Variants in TCF4 observed in about 807,000 individuals in gnomAD.
The protein encoded by TCF4 is SL3-3 enhancer factor 2.
In TCF4, 3 loss-of-function variants were observed where a neutral mutation model predicts 82.1. The ratio of observed to expected loss-of-function variants is 0.04; its 90% confidence interval spans 0.02 to 0.09. TCF4 has a LOEUF of 0.09. Ranked by LOEUF, TCF4 falls within the 10% of genes least tolerant of loss-of-function variation. The pLI is 1.00. For synonymous variants in TCF4, 276 were observed against 309.6 expected, an observed-to-expected ratio of 0.89 and a Z score of 1.14; for missense variants, 518 against 852.7, an observed-to-expected ratio of 0.61 and a Z score of 4.89.
chr18:55,554,357 T>C (rs1218904853), intron 3 of TCF4, among the ~76,000 whole-genome samples: 1 of 152,036 alleles, frequency 6.6e-6, no homozygotes, highest in Non-Finnish European at 1.5e-5. Context: ...AACACTAGTT[T>C]ATTATAGTTT....
intron 3 of TCF4, among the ~76,000 whole-genome samples, chr18:55,539,602 G>C (rs1421076222): frequency 6.6e-6 from 1 of 152,024 alleles, no homozygotes; most frequent in Non-Finnish European, 1.5e-5. Flanking sequence ...TCAAAAATTA[G>C]AAACACACAC....
At chr18:55,594,251 A>G (rs1028168666) in intron 2 of TCF4, among the ~76,000 whole-genome samples, 3 of 152,134 alleles carry the variant, frequency 2.0e-5, no homozygotes, top group African/African-American at 7.2e-5. Context: ...CTTCCTAACT[A>G]TTCTGTCTAA....
chr18:55,613,151 C>T (rs1007934168), intron 2 of TCF4, among the ~76,000 whole-genome samples: 3 of 151,850 alleles, frequency 2.0e-5, no homozygotes, highest in Non-Finnish European at 2.9e-5. Flanking sequence ...TTTAAGTGTA[C>T]AATTTAATAT....
At chr18:55,351,531 C>T (rs954484254) in intron 6 of TCF4, among the ~76,000 whole-genome samples, 1 of 151,998 alleles carries the variant, frequency 6.6e-6, no homozygotes, top group Non-Finnish European at 1.5e-5. Context: ...CCAACTGAAC[C>T]AAGAGGAAAT....
intron 5 of TCF4, among the ~76,000 whole-genome samples, chr18:55,440,964 C>T (rs1291121740): frequency 2.0e-5 from 3 of 152,198 alleles, no homozygotes; most frequent in African/African-American, 4.8e-5. Context: ...CCCCTTCCCC[C>T]CTTATTCTTC....
intron 6 of TCF4, among the ~76,000 whole-genome samples, chr18:55,380,280 A>T (rs9955697): frequency 0.2 from 29,487 of 150,856 alleles, 3,866 homozygotes; most frequent in African/African-American, 0.38. Flanking sequence ...TTTTTTTTTT[A>T]AATTATACTT....
chr18:55,542,306 TAA>T (rs2097171180), intron 3 of TCF4, among the ~76,000 whole-genome samples: 1 of 151,960 alleles, frequency 6.6e-6, no homozygotes, highest in Admixed American at 6.6e-5. Flanking sequence ...CATAGAATCT[TAA>T]AAGTTAATTT....
chr18:55,571,523 T>G (rs980667205), intron 3 of TCF4, among the ~76,000 whole-genome samples: 1 of 152,232 alleles, frequency 6.6e-6, no homozygotes, highest in African/African-American at 2.4e-5. Flanking sequence ...AGATGTTCAC[T>G]CCATTATTAA....
chr18:55,319,232 AT>A (rs2074909931), intron 8 of TCF4, among the ~76,000 whole-genome samples: 1 of 152,222 alleles, frequency 6.6e-6, no homozygotes, highest in Non-Finnish European at 1.5e-5. Flanking sequence ...TTCGATAGGC[AT>A]TTTGAACAAT....
intron 3 of TCF4, among the ~76,000 whole-genome samples, chr18:55,473,920 A>C (rs1051404004): frequency 6.6e-6 from 1 of 152,188 alleles, no homozygotes; most frequent in Admixed American, 6.5e-5. Flanking sequence ...ATACTGCCCT[A>C]TAAAAGTCTC....
intron 15 of TCF4, among the ~76,000 whole-genome samples, chr18:55,241,168 A>G (rs1401750144): frequency 6.6e-6 from 1 of 152,246 alleles, no homozygotes; most frequent in Non-Finnish European, 1.5e-5. Flanking sequence ...ATATAGTTCA[A>G]GAAATGCAAA....
intron 3 of TCF4, among the ~76,000 whole-genome samples, chr18:55,576,790 T>C (rs944625418): frequency 3.9e-5 from 6 of 152,160 alleles, no homozygotes; most frequent in East Asian, 1.9e-4. Context: ...TTTTCTCCTG[T>C]TAGAAGAAGC....
chr18:55,354,043 G>A (rs956645842), intron 6 of TCF4, among the ~76,000 whole-genome samples: 1 of 152,294 alleles, frequency 6.6e-6, no homozygotes, highest in Middle Eastern at 3.4e-3. Flanking sequence ...GGCAGATGTG[G>A]CATCTGGCAG....
At chr18:55,234,250 T>C (rs978779449) in intron 16 of TCF4, among the ~76,000 whole-genome samples, 12 of 152,194 alleles carry the variant, frequency 7.9e-5, no homozygotes, top group African/African-American at 2.9e-4. Flanking sequence ...TTAGAGGACC[T>C]GAATGAGAAA....
intron 3 of TCF4, among the ~76,000 whole-genome samples, chr18:55,530,339 G>A (rs1299472917): frequency 2.0e-5 from 3 of 152,090 alleles, no homozygotes; most frequent in South Asian, 2.1e-4. Context: ...GATTCAAGGC[G>A]GATGAAAGAG....
At chr18:55,293,931 C>A (rs368740423) in intron 8 of TCF4, among the ~76,000 whole-genome samples, 8 of 40,032 alleles carry the variant, frequency 2.0e-4, no homozygotes, top group Admixed American at 5.0e-4. Flanking sequence ...TTTCCAAGGA[C>A]TTTTTTTTTT....
At chr18:55,468,888 C>T (rs560464023) in intron 3 of TCF4, among the ~76,000 whole-genome samples, 3 of 125,386 alleles carry the variant, frequency 2.4e-5, no homozygotes, top group Non-Finnish European at 3.5e-5. Flanking sequence ...CTCGCCCCCC[C>T]CCCCCTTGTT....
At chr18:55,292,876 T>C (rs924879179) in intron 8 of TCF4, among the ~76,000 whole-genome samples, 1 of 152,142 alleles carries the variant, frequency 6.6e-6, no homozygotes, top group Non-Finnish European at 1.5e-5. Context: ...ACATTATACA[T>C]ATATACATAC....
At chr18:55,587,555 C>T (rs1675165610) in intron 1 of TCF4, among the ~76,000 whole-genome samples, 2 of 151,380 alleles carry the variant, frequency 1.3e-5, no homozygotes, top group Admixed American at 1.3e-4. Context: ...TCTCAACTTT[C>T]CCCCCACCCT....
Sources: gnomAD v4.1 joint callset for allele counts (sites outside exome capture counted in the v4.1 genomes callset) on GRCh38, gnomAD v4.1.1 for gene constraint, MANE v1.5 for transcripts, NCBI Gene and HGNC (gene_info 2026-07-23, HGNC 2026-07-21) for gene names.